The following PRSS36 variants were observed in gnomAD, a reference collection of about 807,000 sequenced individuals.
The protein encoded by PRSS36 is serine protease 36.
Under a neutral mutation model 94.3 loss-of-function variants are expected in PRSS36, and 90 were observed. That is an observed-to-expected ratio of 0.95 (90% CI 0.80 to 1.14). The LOEUF is 1.14. PRSS36 is among the 50% of genes most tolerant of loss of function. PRSS36 has a pLI of 0.00. For synonymous variants in PRSS36, 500 were observed against 489.6 expected (o/e 1.02, Z -0.28); for missense variants, 1,158 against 1,135.0 (o/e 1.02, Z -0.29).
intron 14 of PRSS36, 123 bp downstream of exon 14, chr16:31,140,169 GAC>G (rs2057660354): frequency 9.5e-7 from 1 of 1,049,768 alleles, no homozygotes; most frequent in Admixed American, 3.1e-5. Flanking sequence ...CCAGCTGGGG[GAC>G]AGAGTGAGAC....
rs2057645066 is a variant in PRSS36 at position 31,139,389 on chromosome 16, GGCA to G, written c.2314_2316del (p.Cys772del). 8.1e-6 allele frequency: 13 copies of G among 1,613,958 alleles called. No homozygotes were observed. The highest frequency in any genetic ancestry group is 1.1e-5 in the Non-Finnish European group (13 of 1,179,980). Reference sequence around the variant, plus strand: ...AGGATCCAGGACCCTTCCGTCATCTGGCACAGGAGGGGCGGTGCTGAGGTCATC... The same window carrying G: ...AGGATCCAGGACCCTTCCGTCATCTGCAGGAGGGGCGGTGCTGAGGTCATC... On this transcript the variant is annotated inframe_deletion, in exon 15 of 15. Transcript: ENST00000268281.
intron 14 of PRSS36, 134 bp from the exon 15 acceptor site, chr16:31,139,550 TC>T: frequency 9.4e-7 from 1 of 1,064,192 alleles, no homozygotes; most frequent in Non-Finnish European, 1.3e-6. Flanking sequence ...CTCTCCCGGG[TC>T]CAGCTAGGGT....
chr16:31,148,298 G>T (rs1291134378), intron 5 of PRSS36, 97 bp downstream of exon 5: 2 of 1,338,284 alleles, frequency 1.5e-6, no homozygotes, highest in South Asian at 3.0e-5. Context: ...CGCAGGCTCC[G>T]CTCCGTGGCC....
rs537800071 is a variant in PRSS36 at position 31,149,869 on chromosome 16, C to T, written c.37+130G>A. 13 of 1,520,216 alleles carry T rather than the reference C, an allele frequency of 8.6e-6. No individual in the cohort carries two copies. In the South Asian group the frequency reaches 9.1e-5, roughly 11 times the overall value. The allele number at this position is 1,520,216 out of a possible 1,614,324, so 94.2% of individuals were successfully genotyped here. On this transcript the variant is annotated intron_variant, in intron 1 of 14. Transcript: ENST00000268281. ...CCCTCTCCCTCCTCTGATACATCCTCGCCTTCTGCTGCCTCACTTCCTTCT... is the reference window on the plus strand; with the variant it reads ...CCCTCTCCCTCCTCTGATACATCCTTGCCTTCTGCTGCCTCACTTCCTTCT...
At chr16:31,140,940 C>G (rs1019998954) in intron 12 of PRSS36, among the ~76,000 whole-genome samples, 183 bp from the exon 13 acceptor site, 2 of 152,086 alleles carry the variant, frequency 1.3e-5, no homozygotes, top group African/African-American at 4.8e-5. Flanking sequence ...TCATGCCCCA[C>G]CCCAGACAGA....
intron 8 of PRSS36, 65 bp from the exon 9 acceptor site, chr16:31,143,058 C>A: frequency 7.3e-7 from 1 of 1,378,946 alleles, no homozygotes; most frequent in Non-Finnish European, 9.3e-7. Context: ...CCTCACACCC[C>A]GGCTTAGACT....
rs2057836628 is a variant in PRSS36, at chr16:31,148,565, G to A, written c.383C>T (p.Pro128Leu). 3 of 1,608,374 alleles carry A rather than the reference G, an allele frequency of 1.9e-6. No homozygotes were observed. Among genetic ancestry groups the A allele is most frequent in the Non-Finnish European group, 1.7e-6 (2 of 1,178,334 alleles). Residue 128 changes from proline to leucine, a missense_variant, in exon 5 of 15, where the codon CCG (proline) becomes CTG (leucine). Physicochemically the swap from Pro to Leu is moderately conservative, Grantham distance 98 (BLOSUM62 -3). Transcript: ENST00000268281. ...CAGCTCCACTTGGCTGTAGTTGGCC[G>A]GCACCACGATGGCGGCCACTGCGCG... ...HTRAVAAIVV[P>L]ANYSQVELGA...
At chr16:31,145,700 G>T (rs2057788867) in intron 6 of PRSS36, 89 bp downstream of exon 6, 1 of 1,303,496 alleles carries the variant, frequency 7.7e-7, no homozygotes, top group Non-Finnish European at 1.0e-6. Context: ...CCCTCCTTTT[G>T]CAGATGAGGC....
chr16:31,141,694 C>A, intron 11 of PRSS36, 29 bp downstream of exon 11: 1 of 1,607,402 alleles, frequency 6.2e-7, no homozygotes, highest in Non-Finnish European at 8.5e-7. Flanking sequence ...CTCCCAGGAG[C>A]CCCTAGGGCC....
intron 14 of PRSS36, among the ~76,000 whole-genome samples, chr16:31,139,966 C>T (rs1042341261): frequency 7.3e-5 from 11 of 150,688 alleles, no homozygotes; most frequent in African/African-American, 2.2e-4. Flanking sequence ...AGGCCGAGGC[C>T]GGCGGATCAC....
chr16:31,142,354 T>G (rs992166999), intron 10 of PRSS36, 127 bp downstream of exon 10: 1 of 1,043,886 alleles, frequency 9.6e-7, no homozygotes, highest in African/African-American at 1.8e-5. Context: ...TAGAGCCCAC[T>G]CGGACCCGCC....
Position 31,148,400 on chromosome 16 carries a change from T to C in PRSS36, c.548A>G (p.Glu183Gly). 1 of 1,566,496 alleles carries C rather than the reference T, an allele frequency of 6.4e-7. No homozygotes were observed. The highest frequency in any genetic ancestry group is 8.6e-7 in the Non-Finnish European group (1 of 1,165,362). Residue 183 changes from glutamate (E) to glycine (G), a missense_variant, in exon 5 of 15, where the codon GAG (glutamate) becomes GGG (glycine). Transcript: ENST00000268281. ...TCTTGTCCCGTCCCACTCACCTGCC[T>C]CCTGGACGTCTCCCCAGCCGGTGGC... ...CWATGWGDVQ[E>G]ADPLPLPWVL...
intron 11 of PRSS36, 22 bp downstream of exon 11, chr16:31,141,701 G>A (rs1270193994): frequency 6.2e-7 from 1 of 1,607,818 alleles, no homozygotes; most frequent in South Asian, 1.1e-5. Flanking sequence ...GAGCCCCTAG[G>A]GCCCAAAAGC....
rs143680005 is a variant in PRSS36 at position 31,141,537 on chromosome 16, A to G, written c.1833T>C (p.Gly611=). 323 of 1,611,964 alleles carry G rather than the reference A, an allele frequency of 2.0e-4. No homozygotes were observed. In the African/African-American group the frequency reaches 4.1e-3, roughly 20 times the overall value. The stretch of plus-strand genomic sequence containing the variant: ...GGAGGATCCCAGTGCAGACTCGATC[A>G]CCAGCCACATGCACCTCTGCCAGCC... The part of the protein sequence containing the change: ...WPWLAEVHVA[G]DRVCTGILLA... The change falls in exon 12 of 15, where the codon GGT becomes GGC. Residue 611 remains glycine (G), a synonymous_variant. Transcript: ENST00000268281.
chr16:31,145,207 A>C (rs932669585), intron 6 of PRSS36, among the ~76,000 whole-genome samples: 4 of 151,332 alleles, frequency 2.6e-5, no homozygotes, highest in African/African-American at 9.7e-5. Context: ...GTGTCTACTA[A>C]AAATACAAAA....
In PRSS36 at chr16:31,145,774, G is replaced by A. The variant is rs373822844; in HGVS notation, c.720+15C>T. 56 of 1,608,552 alleles carry A rather than the reference G, an allele frequency of 3.5e-5. No individual in the cohort carries two copies. Among genetic ancestry groups the A allele is most frequent in the African/African-American group, 2.7e-4 (20 of 74,974 alleles). ...ACTCTGGCCCTGCCAGGCAGGTGCCGGGGCCTTCCCTCACCTGGCAGGTGT... is the reference window on the plus strand; with the variant it reads ...ACTCTGGCCCTGCCAGGCAGGTGCCAGGGCCTTCCCTCACCTGGCAGGTGT... On this transcript the variant is annotated intron_variant, in intron 6 of 14. Coordinates refer to ENST00000268281, the MANE Select transcript of PRSS36 (RefSeq NM_173502.5).
At position 31,143,992 on chromosome 16, in the gene PRSS36, C is replaced by T. The variant is rs2057759977; in HGVS notation, c.721-155G>A. ...CCTCTGCATTCCCTGCGGCTCTAAA[C>T]AGAAGAAATCCCTGTAAGCAGAAGG... On this transcript the variant is annotated intron_variant, in intron 6 of 14. Transcript: ENST00000268281. 2.6e-5 allele frequency among the ~76,000 whole-genome samples: 4 copies of T among 152,316 alleles called. No homozygotes were observed. The South Asian group carries it at 8.3e-4, about 32-fold the overall frequency.
rs976458449 is a variant in PRSS36 at position 31,142,902 on chromosome 16, C to T, written c.1192G>A (p.Val398Met). 3 of 1,543,118 alleles carry T rather than the reference C, an allele frequency of 1.9e-6. No homozygotes were observed. Among genetic ancestry groups the T allele is most frequent in the Non-Finnish European group, 2.6e-6 (3 of 1,150,660 alleles). ...TCCCACGAAGCGTTCTCGTGCTGCA[C>T]CAGGCGCGCCACCCGCTCCGCGCGC... is the stretch of plus-strand genomic sequence containing the variant. ...RPRAERVARL[V>M]QHENASWDNA... Residue 398 changes from valine to methionine, a missense_variant, in exon 9 of 15, where the codon GTG (valine) becomes ATG (methionine). Coordinates refer to ENST00000268281, the MANE Select transcript of PRSS36 (RefSeq NM_173502.5).
chr16:31,140,421 G>A lies in PRSS36; in HGVS notation c.2168-6C>T. The stretch of plus-strand genomic sequence containing the variant: ...GACAGCAGCAGCCACAGGGACTGGG[G>A]AGAGGAGACAAAGTTGTTCCAGGGC... On this transcript the variant is annotated splice_polypyrimidine_tract_variant and splice_region_variant and intron_variant, in intron 13 of 14. Transcript: ENST00000268281. 4 of 1,612,822 alleles carry A rather than the reference G, an allele frequency of 2.5e-6. No individual in the cohort carries two copies. Among genetic ancestry groups the A allele is most frequent in the African/African-American group, 2.7e-5 (2 of 74,994 alleles).
Sources: gnomAD v4.1 joint callset for allele counts (sites outside exome capture counted in the v4.1 genomes callset) on GRCh38, gnomAD v4.1.1 for gene constraint, MANE v1.5 for transcripts, NCBI Gene and HGNC (gene_info 2026-07-23, HGNC 2026-07-21) for gene names.